C7: variants seen among roughly 807,000 people sequenced by gnomAD.
C7 encodes the protein complement C7.
Under a neutral mutation model 104.8 loss-of-function variants are expected in C7, and 83 were observed. The ratio of observed to expected loss-of-function variants is 0.79; its 90% CI spans 0.66 to 0.95. C7 has a LOEUF of 0.95. Among genes scored for constraint, C7 ranks in the 40% least tolerant of loss-of-function variants. The pLI is 0.00. For missense variants in C7, 1,070 were observed against 1,011.2 expected (o/e 1.06, Z -0.79); for synonymous variants, 415 against 360.6 (o/e 1.15, Z -1.71).
At chr5:40,947,130 C>T (rs1266313270) in intron 7 of C7, among the ~76,000 whole-genome samples, 2 of 142,374 alleles carry the variant, frequency 1.4e-5, no homozygotes, top group Non-Finnish European at 3.0e-5. Context: ...TATTGGGTCT[C>T]ACTCTGTTAC....
intron 1 of C7, among the ~76,000 whole-genome samples, chr5:40,915,826 A>G (rs1016015068): frequency 6.6e-6 from 1 of 152,242 alleles, no homozygotes; most frequent in Non-Finnish European, 1.5e-5. Context: ...TACAACTGAA[A>G]AAAAGATACC....
At chr5:40,972,660 C>A (rs973153284) in intron 15 of C7, 66 bp downstream of exon 15, 1 of 1,288,028 alleles carries the variant, frequency 7.8e-7, no homozygotes, top group Admixed American at 2.1e-5. Flanking sequence ...TTGTGGCGAC[C>A]TTCATGGTAC....
chr5:40,926,123 T>C (rs765907717), intron 1 of C7, among the ~76,000 whole-genome samples: 3 of 152,222 alleles, frequency 2.0e-5, no homozygotes, highest in East Asian at 1.9e-4. Context: ...TCAATAAATA[T>C]GTTGTATGAG....
intron 12 of C7, among the ~76,000 whole-genome samples, chr5:40,960,478 G>A (rs1180012304): frequency 1.3e-5 from 2 of 152,152 alleles, no homozygotes; most frequent in African/African-American, 4.8e-5. Flanking sequence ...AAGCTGGCAA[G>A]CATGTGAACT....
rs998559790 is a variant in C7, at chr5:40,983,222, C to A, written c.*1649C>A. Among the ~76,000 whole-genome samples the A allele has an allele frequency of 6.6e-6, 1 of 152,208 alleles. No individual in the cohort carries two copies. Among genetic ancestry groups the A allele is most frequent in the Non-Finnish European group, 1.5e-5 (1 of 68,026 alleles). On this transcript the variant is annotated 3_prime_UTR_variant, in exon 18 of 18. Transcript: ENST00000313164. ...CATTTGAACATGCTAGGCCTGGATG[C>A]AGACCCTGAGACAAAAGGTTGAACA...
intron 14 of C7, among the ~76,000 whole-genome samples, chr5:40,969,231 G>A (rs77827721): frequency 0.089 from 13,358 of 150,296 alleles, 829 homozygotes; most frequent in East Asian, 0.19. Flanking sequence ...GCAAATCAGA[G>A]TAAATAACAT....
Position 40,936,485 on chromosome 5 carries a change from G to T in C7, c.428G>T (p.Gly143Val). 6.2e-7 allele frequency: 1 copy of T among 1,612,426 alleles called. No homozygotes were observed. Among genetic ancestry groups the T allele is most frequent in the Non-Finnish European group, 8.5e-7 (1 of 1,179,094 alleles). Reference protein sequence around the residue: ...PPPNIELTGNGYNELTGQFRN... With the variant: ...PPPNIELTGNVYNELTGQFRN... ...CCTAACATAGAACTTACTGGAAATG[G>T]GTAAGGTGCTGGGCAGCCTCCTGAG... Residue 143 changes from glycine to valine, a missense_variant and splice_region_variant, in exon 5 of 18, where the codon GGT becomes GTT. Physicochemically the swap from Gly to Val is moderately radical, Grantham distance 109. Transcript: ENST00000313164.
intron 14 of C7, among the ~76,000 whole-genome samples, chr5:40,969,555 G>A (rs1037660032): frequency 6.6e-6 from 1 of 152,180 alleles, no homozygotes; most frequent in African/African-American, 2.4e-5. Flanking sequence ...GGCAACCAGT[G>A]AGGCTGGCTT....
At chr5:40,936,284 G>A in intron 4 of C7, 54 bp from the exon 5 acceptor site, 1 of 1,585,434 alleles carries the variant, frequency 6.3e-7, no homozygotes, top group Admixed American at 1.7e-5. Context: ...GTCCTGGGTA[G>A]TGTTTCTCCT....
At position 40,955,511 on chromosome 5, in the gene C7, G is replaced by C. The variant is rs778877017; in HGVS notation, c.1218G>C (p.Trp406Cys). Residue 406 changes from tryptophan to cysteine, a missense_variant, in exon 10 of 18, where the codon TGG (tryptophan) becomes TGC (cysteine). Physicochemically the swap from Trp to Cys is radical, Grantham distance 215 (BLOSUM62 -2). Coordinates refer to ENST00000313164, the MANE Select transcript of C7 (RefSeq NM_000587.4). ...GAAACAAAAGGCGATATTCTGCCTG[G>C]GCAGAATCTGTGACTAATCTTCCTC... ...PAGNKRRYSA[W>C]AESVTNLPQV... 1.2e-6 allele frequency: 2 copies of C among 1,613,266 alleles called. No homozygotes were observed. The highest frequency in any genetic ancestry group is 1.1e-5 in the South Asian group (1 of 90,928).
chr5:40,972,434 T>C lies in C7; in HGVS notation c.1914T>C (p.Asp638=). ...CCTGTGTTCTACCTGTACTGATGGA[T>C]GGCATACAGAGTCACCCCCAAAAAC... ...KIACVLPVLM[D]GIQSHPQKPF... The change falls in exon 15 of 18, where the codon GAT becomes GAC. Residue 638 remains aspartate (D), a synonymous_variant. Transcript: ENST00000313164. 1.9e-6 allele frequency: 3 copies of C among 1,613,936 alleles called. No homozygotes were observed. Among genetic ancestry groups the C allele is most frequent in the Non-Finnish European group, 2.5e-6 (3 of 1,179,828 alleles).
chr5:40,967,182 C>G (rs1740574915), intron 14 of C7, among the ~76,000 whole-genome samples: 1 of 151,756 alleles, frequency 6.6e-6, no homozygotes, highest in Non-Finnish European at 1.5e-5. Context: ...TCTCCTATCT[C>G]AGCCTCCTGA....
rs1740620834 is a variant in C7, at chr5:40,968,596, ATATATTTTTTTTTTTTTTTTTTT to A, written c.1882+3725_1882+3747del. 3.8e-4 allele frequency among the ~76,000 whole-genome samples: 9 copies of A among 23,408 alleles called. No homozygotes were observed. The South Asian group carries it at 8.2e-3, about 21-fold the overall frequency. 15.4% of individuals were successfully genotyped at this position (23,408 alleles called of 152,430 possible). On this transcript the variant is annotated intron_variant, in intron 14 of 17. Transcript: ENST00000313164. Reference sequence around the variant, plus strand: ...TATATATATATATATATATATATATATATATTTTTTTTTTTTTTTTTTTTTTTTTTTTTGAGACAGATTTTACT... The same window carrying A: ...TATATATATATATATATATATATATATTTTTTTTTTGAGACAGATTTTACT...
At chr5:40,955,628 C>A in intron 10 of C7, 75 bp downstream of exon 10, 4 of 1,374,470 alleles carry the variant, frequency 2.9e-6, no homozygotes, top group South Asian at 1.3e-5. Flanking sequence ...GTGGTTAAAT[C>A]AAGATGGTTA....
In C7 at chr5:40,930,955, A is replaced by G. The variant is rs1739668922; in HGVS notation, c.63-109A>G. On this transcript the variant is annotated intron_variant, in intron 2 of 17. Transcript: ENST00000313164. ...GGATCCTTTTAGTGTCTCTTCGGAA[A>G]AAATATTTGAGGCAACATTTAACTA... 3 of 778,436 alleles carry G rather than the reference A, an allele frequency of 3.9e-6. No homozygotes were observed. In the East Asian group the frequency reaches 8.0e-5, roughly 21 times the overall value. The allele number at this position is 778,436 out of a possible 1,614,324, so 48.2% of individuals were successfully genotyped here. A position where few individuals can be genotyped will look rare whatever the true frequency, so the allele number is the denominator to read the frequency against.
chr5:40,969,983 C>G (rs190243992), intron 14 of C7, among the ~76,000 whole-genome samples: 2 of 151,932 alleles, frequency 1.3e-5, no homozygotes, highest in African/African-American at 4.8e-5. Context: ...AATGTGAAAA[C>G]AGCAAACGCA....
Position 40,945,213 on chromosome 5 carries a change from G to T in C7, c.583G>T (p.Asp195Tyr). ...SYTFQVKINNDFNYEFYNSTW... is the reference protein window; with the variant it reads ...SYTFQVKINNYFNYEFYNSTW... ...TTCTTTGTAGGTGAAAATAAATAATGATTTTAATTATGAATTTTACAATAG... is the reference window on the plus strand; with the variant it reads ...TTCTTTGTAGGTGAAAATAAATAATTATTTTAATTATGAATTTTACAATAG... The change falls in exon 7 of 18, where the codon GAT becomes TAT. Residue 195 changes from aspartate to tyrosine, a missense_variant. Asp to Tyr is a radical substitution (Grantham distance 160, BLOSUM62 -3). Transcript: ENST00000313164. The T allele has an allele frequency of 6.7e-7, 1 of 1,486,688 alleles. No homozygotes were observed. Among genetic ancestry groups the T allele is most frequent in the African/African-American group, 1.4e-5 (1 of 69,968 alleles). 92.1% of individuals were successfully genotyped at this position (1,486,688 alleles called of 1,614,324 possible).
intron 13 of C7, among the ~76,000 whole-genome samples, chr5:40,963,728 T>A (rs324061): frequency 6.6e-6 from 1 of 151,934 alleles, no homozygotes; most frequent in African/African-American, 2.4e-5. Context: ...CCTTCATCCA[T>A]CCCCAGGCTC....
intron 14 of C7, 93 bp downstream of exon 14, chr5:40,964,966 G>T: frequency 1.4e-6 from 2 of 1,413,816 alleles, no homozygotes; most frequent in African/African-American, 1.4e-5. Context: ...TGGCCCATGT[G>T]TTGGCCTTCC....
Sources: gnomAD v4.1 joint callset for allele counts (sites outside exome capture counted in the v4.1 genomes callset) on GRCh38, gnomAD v4.1.1 for gene constraint, MANE v1.5 for transcripts, NCBI Gene and HGNC (gene_info 2026-07-23, HGNC 2026-07-21) for gene names.